EMSY: variants seen among roughly 807,000 people sequenced by gnomAD.
The protein encoded by EMSY is BRCA2-interacting transcriptional repressor EMSY.
In EMSY, 26 loss-of-function variants were observed where a neutral mutation model predicts 134.6. The observed-to-expected ratio is 0.19, with a 90% CI of 0.14 to 0.27. The LOEUF (loss-of-function observed/expected upper bound fraction) is 0.27. EMSY is among the 10% of genes least tolerant of loss of function. EMSY has a pLI of 1.00. For synonymous variants in EMSY, 579 were observed against 577.8 expected (o/e 1.00, Z -0.03); for missense variants, 1,305 against 1,611.4 (o/e 0.81, Z 3.26).
chr11:76,495,651 A>G (rs1367393937), intron 8 of EMSY, among the ~76,000 whole-genome samples: 1 of 152,192 alleles, frequency 6.6e-6, no homozygotes, highest in East Asian at 1.9e-4. Context: ...TTAATGATTC[A>G]GAGTTCTTAG....
chr11:76,455,673 A>T (rs1210142634), intron 4 of EMSY, among the ~76,000 whole-genome samples: 2 of 152,192 alleles, frequency 1.3e-5, no homozygotes, highest in East Asian at 1.9e-4. Flanking sequence ...GATATCTGGG[A>T]TCAAAGAAAA....
intron 4 of EMSY, among the ~76,000 whole-genome samples, chr11:76,455,960 A>G (rs1317150980): frequency 6.6e-6 from 1 of 152,104 alleles, no homozygotes; most frequent in Non-Finnish European, 1.5e-5. Context: ...CTGTGTGAGG[A>G]TGAGGATTTC....
chr11:76,524,229 C>T (rs556121377), intron 12 of EMSY, among the ~76,000 whole-genome samples: 3 of 152,244 alleles, frequency 2.0e-5, no homozygotes, highest in South Asian at 4.1e-4. Context: ...GATTGATGAT[C>T]TTTACCAGTG....
chr11:76,528,572 A>G (rs1590983540), intron 14 of EMSY, 106 bp downstream of exon 15: 2 of 628,730 alleles, frequency 3.2e-6, no homozygotes, highest in East Asian at 3.2e-5. Context: ...TGTATGCTCT[A>G]TCAATTCTTT....
At chr11:76,472,966 C>T in intron 8 of EMSY, 126 bp downstream of exon 9, 1 of 928,648 alleles carries the variant, frequency 1.1e-6, no homozygotes, top group Non-Finnish European at 1.6e-6. Flanking sequence ...ATCACCACCC[C>T]GTGTACCCCA....
At chr11:76,548,356 G>A (rs1386423290) in intron 20 of EMSY, among the ~76,000 whole-genome samples, 1 of 152,172 alleles carries the variant, frequency 6.6e-6, no homozygotes, top group Admixed American at 6.5e-5. Context: ...TTTGTGGACA[G>A]TCTGTATTTT....
chr11:76,506,446 CAAAT>C (rs1401311408), intron 9 of EMSY, among the ~76,000 whole-genome samples: 3 of 151,944 alleles, frequency 2.0e-5, no homozygotes, highest in African/African-American at 4.8e-5. Context: ...AGTCAAAAGA[CAAAT>C]AAACTGGAAA....
At chr11:76,516,333 T>G (rs775901089) in intron 11 of EMSY, 21 bp downstream of exon 12, 9 of 1,574,128 alleles carry the variant, frequency 5.7e-6, no homozygotes, top group Non-Finnish European at 7.8e-6. Context: ...CTGAAATATG[T>G]TAAAGGTATA....
chr11:76,547,059 A>T (rs1418134645), intron 20 of EMSY: 2 of 455,140 alleles, frequency 4.4e-6, no homozygotes, highest in South Asian at 3.1e-5. Flanking sequence ...AGTCCAGGCT[A>T]CCCCTTAGAA....
intron 14 of EMSY, among the ~76,000 whole-genome samples, chr11:76,533,998 T>G (rs144269094): frequency 1.3e-5 from 2 of 152,180 alleles, no homozygotes; most frequent in African/African-American, 4.8e-5. Flanking sequence ...GTGATACTTA[T>G]GATGGTCAGC....
chr11:76,478,065 C>G (rs972841618), intron 8 of EMSY, among the ~76,000 whole-genome samples: 5 of 152,186 alleles, frequency 3.3e-5, no homozygotes, highest in African/African-American at 1.2e-4. Flanking sequence ...GCTGTCTGCA[C>G]TTTATATACT....
chr11:76,499,636 A>G lies in EMSY; in HGVS notation c.1363+3167A>G, dbSNP rs901075308. On this transcript the variant is annotated intron_variant, in intron 9 of 20. Transcript: ENST00000334736. ...TATTTAGATCATTTACATTTAAGGT[A>G]ATTGTTGATATGGTAGTGGTTACAT... Among the ~76,000 whole-genome samples, 6 of 152,066 alleles carry G rather than the reference A, an allele frequency of 3.9e-5. No individual in the cohort carries two copies. The East Asian group carries it at 9.6e-4, about 24-fold the overall frequency.
intron 14 of EMSY, among the ~76,000 whole-genome samples, chr11:76,532,233 A>G (rs963814851): frequency 1.8e-4 from 27 of 152,202 alleles, no homozygotes; most frequent in African/African-American, 6.3e-4. Context: ...TAGGACTGAG[A>G]AGGTACTCAG....
chr11:76,468,221 T>A (rs183524601), intron 7 of EMSY, among the ~76,000 whole-genome samples: 2 of 152,216 alleles, frequency 1.3e-5, no homozygotes, highest in South Asian at 2.1e-4. Flanking sequence ...GTTTTCAGAC[T>A]TGGGATGTTT....
In EMSY at chr11:76,516,138, G is replaced by T. The variant is rs2508740; in HGVS notation, c.1514-4G>T. ...TTTTTCTTTTGGCTTTTCCCTTTCT[G>T]TAGGCACACAAGCAACCTATACCCG... On this transcript the variant is annotated splice_polypyrimidine_tract_variant and splice_region_variant and intron_variant, in intron 10 of 20. Coordinates refer to ENST00000334736, the Ensembl canonical transcript of EMSY. 7.5e-6 allele frequency: 12 copies of T among 1,607,054 alleles called. No individual in the cohort carries two copies.
Position 76,542,387 on chromosome 11 carries a change from T to C in EMSY, c.2709+20T>C. On this transcript the variant is annotated intron_variant, in intron 18 of 20. Transcript: ENST00000334736. Reference sequence around the variant, plus strand: ...CAGCAGGTTGTATCTCTTCTTTTTCTTCCTATCTTCTGCAACTGCCCATGC... The same window carrying C: ...CAGCAGGTTGTATCTCTTCTTTTTCCTCCTATCTTCTGCAACTGCCCATGC... 1 of 1,609,972 alleles carries C rather than the reference T, an allele frequency of 6.2e-7. No homozygotes were observed. The highest frequency in any genetic ancestry group is 8.5e-7 in the Non-Finnish European group (1 of 1,176,214).
chr11:76,529,726 A>G, intron 14 of EMSY, among the ~76,000 whole-genome samples: 1 of 152,212 alleles, frequency 6.6e-6, no homozygotes, highest in East Asian at 1.9e-4. Flanking sequence ...AATAAATGAA[A>G]ATGTTGATTT....
intron 4 of EMSY, 38 bp downstream of exon 4, chr11:76,453,426 C>G (rs1340969736): frequency 1.3e-6 from 2 of 1,566,426 alleles, no homozygotes; most frequent in Middle Eastern, 3.4e-4. Flanking sequence ...TTTTTTATGA[C>G]ATAGTATAAC....
intron 9 of EMSY, among the ~76,000 whole-genome samples, chr11:76,512,985 G>A (rs1021429119): frequency 1.3e-5 from 2 of 152,102 alleles, no homozygotes; most frequent in African/African-American, 2.4e-5. Context: ...ATATTTTGGC[G>A]AAGTTGGGGA....
Sources: allele counts gnomAD v4.1 joint callset (sites outside exome capture counted in the v4.1 genomes callset), GRCh38; gene constraint gnomAD v4.1.1; transcripts MANE v1.5; gene names NCBI Gene and HGNC (gene_info 2026-07-23, HGNC 2026-07-21).